SPMIP4: variants seen among roughly 807,000 people sequenced by gnomAD.
The protein encoded by SPMIP4 is sperm microtubule inner protein 4.
the SPMIP4 span, among the ~76,000 whole-genome samples, chr7:25,152,660 T>C: frequency 3.3e-5 from 5 of 151,630 alleles, no homozygotes; most frequent in East Asian, 7.7e-4. Flanking sequence ...ACTTCTTTCC[T>C]TCCTTCCTTC....
chr7:25,135,217 G>C, the SPMIP4 span: 2 of 610,612 alleles, frequency 3.3e-6, no homozygotes, highest in Non-Finnish European at 4.1e-6. Context: ...ATCCTTTCTT[G>C]CTATAATTAG....
At chr7:25,158,048 T>C in the SPMIP4 span, among the ~76,000 whole-genome samples, 133,772 of 152,288 alleles carry the variant, frequency 0.88, 58,938 homozygotes, top group Middle Eastern at 0.92. Flanking sequence ...CCTGGACTTG[T>C]ACCAGCCTTT....
At chr7:25,160,705 T>C in the SPMIP4 span, among the ~76,000 whole-genome samples, 1 of 152,234 alleles carries the variant, frequency 6.6e-6, no homozygotes, top group Non-Finnish European at 1.5e-5. Context: ...TACCTTTAAG[T>C]GACGGGTAAA....
the SPMIP4 span, among the ~76,000 whole-genome samples, chr7:25,140,862 C>T: frequency 1.2e-4 from 19 of 152,176 alleles, no homozygotes; most frequent in Non-Finnish European, 2.2e-4. Context: ...GCTAGGATTA[C>T]AGGCATGAGC....
the SPMIP4 span, chr7:25,179,582 A>T: frequency 0.043 from 13,349 of 307,378 alleles, 396 homozygotes; most frequent in Non-Finnish European, 0.058. Flanking sequence ...GTAGGTTCGT[A>T]CCAGTCCGCT....
chr7:25,146,377 A>G, the SPMIP4 span, among the ~76,000 whole-genome samples: 1 of 152,196 alleles, frequency 6.6e-6, no homozygotes, highest in Non-Finnish European at 1.5e-5. Context: ...TTGTCTGTCA[A>G]TGGGCCTGAG....
chr7:25,179,196 C>T, the SPMIP4 span: 36 of 1,609,084 alleles, frequency 2.2e-5, no homozygotes, highest in Non-Finnish European at 3.1e-5. Flanking sequence ...GGCAGTTGGG[C>T]GAGTAACCGT....
the SPMIP4 span, among the ~76,000 whole-genome samples, chr7:25,176,839 G>A: frequency 6.6e-6 from 1 of 152,134 alleles, no homozygotes; most frequent in Non-Finnish European, 1.5e-5. This position sits in a 1 kb window ranked among gnomAD's most constrained non-coding sequence, Gnocchi z 4.4. Context: ...TTCTTTATTA[G>A]TATAAAGAGC....
At chr7:25,142,982 T>C in the SPMIP4 span, among the ~76,000 whole-genome samples, 1 of 152,170 alleles carries the variant, frequency 6.6e-6, no homozygotes, top group Non-Finnish European at 1.5e-5. Flanking sequence ...ATTGGAACCA[T>C]ATATAGAGTT....
At chr7:25,155,265 A>G in the SPMIP4 span, 1 of 1,368,510 alleles carries the variant, frequency 7.3e-7, no homozygotes. Flanking sequence ...TTAATCATCA[A>G]AAATTTATTG....
the SPMIP4 span, among the ~76,000 whole-genome samples, chr7:25,162,136 T>C: frequency 6.6e-6 from 1 of 151,756 alleles, no homozygotes; most frequent in Non-Finnish European, 1.5e-5. Context: ...CTGGGTGTGG[T>C]GGCCCACACC....
At chr7:25,155,307 A>C in the SPMIP4 span, 10 of 818,768 alleles carry the variant, frequency 1.2e-5, no homozygotes, top group South Asian at 1.8e-4. Context: ...AAACTGTTCT[A>C]ATGCTGGGGG....
At chr7:25,136,214 C>A in the SPMIP4 span, 1 of 1,614,188 alleles carries the variant, frequency 6.2e-7, no homozygotes, top group Non-Finnish European at 8.5e-7. The surrounding 1 kb of genome is among the most constrained non-coding windows in gnomAD (Gnocchi z 5.7). Context: ...AAGAACAACT[C>A]TTCTTCTGGC....
At chr7:25,147,814 TG>T in the SPMIP4 span, among the ~76,000 whole-genome samples, 2 of 152,224 alleles carry the variant, frequency 1.3e-5, no homozygotes, top group African/African-American at 4.8e-5. Flanking sequence ...TGCTTTTCTG[TG>T]TATTTCATTC....
At chr7:25,129,855 GTT>G in the SPMIP4 span, among the ~76,000 whole-genome samples, 2 of 152,014 alleles carry the variant, frequency 1.3e-5, no homozygotes, top group African/African-American at 2.4e-5. Flanking sequence ...CAGAGAAAGA[GTT>G]TAATTATCAG....
the SPMIP4 span, among the ~76,000 whole-genome samples, chr7:25,166,413 C>A: frequency 6.6e-6 from 1 of 151,810 alleles, no homozygotes. Context: ...CGGTGAAACC[C>A]CGTCTCTACT....
chr7:25,167,427 T>TG, the SPMIP4 span, among the ~76,000 whole-genome samples: 1 of 152,248 alleles, frequency 6.6e-6, no homozygotes, highest in Non-Finnish European at 1.5e-5. Flanking sequence ...TAAACACACC[T>TG]GTTGAGTGAA....
At chr7:25,169,100 A>T in the SPMIP4 span, among the ~76,000 whole-genome samples, 4 of 152,090 alleles carry the variant, frequency 2.6e-5, no homozygotes, top group Admixed American at 2.6e-4. Context: ...TTTAAAGTGT[A>T]CAATTCAGGC....
chr7:25,133,246 T>C, the SPMIP4 span, among the ~76,000 whole-genome samples: 1 of 152,244 alleles, frequency 6.6e-6, no homozygotes, highest in Non-Finnish European at 1.5e-5. Context: ...TTGCTGTGTA[T>C]ATAGTGTATA....
Sources: allele counts gnomAD v4.1 joint callset (sites outside exome capture counted in the v4.1 genomes callset), GRCh38; gene constraint gnomAD v4.1.1; non-coding constraint Gnocchi (gnomAD v3.1); transcripts MANE v1.5; gene names NCBI Gene and HGNC (gene_info 2026-07-23, HGNC 2026-07-21).